SNAP25: variants seen among roughly 807,000 people sequenced by gnomAD.
SNAP25 encodes synaptosome associated protein 25.
A neutral mutation model predicts 28.7 loss-of-function variants in SNAP25; 3 were observed. The observed-to-expected ratio is 0.10, with a 90% CI of 0.05 to 0.27. The LOEUF (loss-of-function observed/expected upper bound fraction) is 0.27, where lower values mean the gene tolerates loss of function less well. Among genes scored for constraint, SNAP25 ranks in the 10% least tolerant of loss-of-function variants. SNAP25 has a pLI of 1.00. For missense variants in SNAP25, 117 were observed against 278.7 expected (o/e 0.42, Z 4.13); for synonymous variants, 61 against 88.1 (o/e 0.69, Z 1.72).
intron 1 of SNAP25, among the ~76,000 whole-genome samples, chr20:10,252,609 G>A (rs1049547882): frequency 1.3e-5 from 2 of 152,120 alleles, no homozygotes; most frequent in Non-Finnish European, 2.9e-5. Flanking sequence ...AAATAAATGT[G>A]TGCATTCGTT....
chr20:10,230,676 C>T (rs931914411), intron 1 of SNAP25, among the ~76,000 whole-genome samples: 24 of 152,144 alleles, frequency 1.6e-4, no homozygotes, highest in African/African-American at 5.8e-4. Context: ...GTTGTTCCTT[C>T]AAACCTTCAC....
chr20:10,232,045 A>C (rs2062837673), intron 1 of SNAP25, among the ~76,000 whole-genome samples: 1 of 152,238 alleles, frequency 6.6e-6, no homozygotes, highest in Non-Finnish European at 1.5e-5. Flanking sequence ...GCAGAGACGT[A>C]GCTGGAATTC....
chr20:10,224,257 C>CTTTTTTTTTTTTTTTTTTTTTT lies in SNAP25; in HGVS notation c.-64+5294_-64+5315dup, dbSNP rs71332917. 1.0e-3 allele frequency among the ~76,000 whole-genome samples: 18 copies of CTTTTTTTTTTTTTTTTTTTTTT among 17,432 alleles called. 6 individuals carry two copies. The highest frequency in any genetic ancestry group is 2.2e-3 in the East Asian group (1 of 456). 11.4% of individuals were successfully genotyped at this position (17,432 alleles called of 152,430 possible). On this transcript the variant is annotated intron_variant, in intron 1 of 7. Coordinates refer to ENST00000254976, the MANE Select transcript of SNAP25 (RefSeq NM_130811.4). ...AATAAGGCATAGAGAATGTACATGT[C>CTTTTTTTTTTTTTTTTTTTTTT]TTTTTTTTTTTTTTTTTTTTTTTTT...
At chr20:10,300,997 A>G (rs1382533233) in intron 7 of SNAP25, among the ~76,000 whole-genome samples, 1 of 152,152 alleles carries the variant, frequency 6.6e-6, no homozygotes, top group African/African-American at 2.4e-5. Flanking sequence ...AAAAAACAGG[A>G]AGTATTCATT....
chr20:10,294,419 A>T (rs965114763), intron 5 of SNAP25, among the ~76,000 whole-genome samples: 1 of 152,232 alleles, frequency 6.6e-6, no homozygotes, highest in African/African-American at 2.4e-5. Context: ...GAATCTAGCT[A>T]ACTGGAAACC....
intron 1 of SNAP25, among the ~76,000 whole-genome samples, chr20:10,244,320 ATAT>A (rs1486803099): frequency 2.0e-5 from 3 of 152,242 alleles, no homozygotes; most frequent in African/African-American, 7.2e-5. Flanking sequence ...AAAGAGAGAC[ATAT>A]TATAAAACTA....
chr20:10,254,845 T>C (rs1347518085), intron 1 of SNAP25, among the ~76,000 whole-genome samples: 2 of 152,222 alleles, frequency 1.3e-5, no homozygotes, highest in Non-Finnish European at 2.9e-5. Flanking sequence ...TCTCGGAGCC[T>C]CATGAACTTC....
intron 1 of SNAP25, among the ~76,000 whole-genome samples, chr20:10,268,250 T>G (rs1015836290): frequency 6.6e-6 from 1 of 152,132 alleles, no homozygotes; most frequent in African/African-American, 2.4e-5. Context: ...TTTGAAGGTG[T>G]ACCTCCACCA....
At chr20:10,268,000 A>C (rs2122948025) in intron 1 of SNAP25, among the ~76,000 whole-genome samples, 1 of 152,324 alleles carries the variant, frequency 6.6e-6, no homozygotes, top group Non-Finnish European at 1.5e-5. Flanking sequence ...CTGTTTCATA[A>C]TCTCAAAGTG....
At chr20:10,233,433 C>G (rs1220852494) in intron 1 of SNAP25, among the ~76,000 whole-genome samples, 2 of 152,172 alleles carry the variant, frequency 1.3e-5, no homozygotes, top group Non-Finnish European at 2.9e-5. Context: ...ATCCTTGTCA[C>G]AAATTTTCTT....
At chr20:10,234,354 G>C (rs1304823739) in intron 1 of SNAP25, among the ~76,000 whole-genome samples, 2 of 152,142 alleles carry the variant, frequency 1.3e-5, no homozygotes, top group African/African-American at 4.8e-5. Context: ...CAGATGTCCA[G>C]TTCCCCAATC....
chr20:10,227,135 TG>T (rs2062747161), intron 1 of SNAP25, among the ~76,000 whole-genome samples: 2 of 152,122 alleles, frequency 1.3e-5, no homozygotes, highest in Non-Finnish European at 2.9e-5. Context: ...AATTATGTAG[TG>T]ATTCTGGATC....
intron 4 of SNAP25, among the ~76,000 whole-genome samples, chr20:10,285,726 TCTC>T (rs1372140884): frequency 2.0e-5 from 3 of 152,046 alleles, no homozygotes; most frequent in East Asian, 3.9e-4. Flanking sequence ...AGAAGGCACT[TCTC>T]CTAAAATTCA....
chr20:10,281,063 G>A (rs537539874), intron 3 of SNAP25, among the ~76,000 whole-genome samples: 1 of 152,214 alleles, frequency 6.6e-6, no homozygotes, highest in East Asian at 1.9e-4. Context: ...GATTGTCTTA[G>A]TTCATCTGGA....
chr20:10,274,445 C>A (rs919233126), intron 1 of SNAP25, among the ~76,000 whole-genome samples: 12 of 151,954 alleles, frequency 7.9e-5, no homozygotes, highest in African/African-American at 2.9e-4. Flanking sequence ...AGATAAATCT[C>A]AAAATAATTA....
At chr20:10,228,438 G>C (rs1194441492) in intron 1 of SNAP25, among the ~76,000 whole-genome samples, 1 of 152,252 alleles carries the variant, frequency 6.6e-6, no homozygotes, top group East Asian at 1.9e-4. Context: ...TACATAGAAC[G>C]TGAGTCAGCC....
At chr20:10,253,347 C>T (rs985384001) in intron 1 of SNAP25, among the ~76,000 whole-genome samples, 3 of 152,184 alleles carry the variant, frequency 2.0e-5, no homozygotes, top group African/African-American at 4.8e-5. Flanking sequence ...TCTCTGTCCA[C>T]GGTATTGTAT....
intron 3 of SNAP25, among the ~76,000 whole-genome samples, chr20:10,282,843 C>T (rs1438229808): frequency 6.6e-6 from 1 of 152,120 alleles, no homozygotes; most frequent in Non-Finnish European, 1.5e-5. Context: ...CAGAAAAGAG[C>T]AAATAAATCA....
chr20:10,284,132 A>G (rs62185259), intron 3 of SNAP25, among the ~76,000 whole-genome samples: 22,585 of 152,030 alleles, frequency 0.15, 1,901 homozygotes, highest in Admixed American at 0.2. Context: ...AATACTGTAG[A>G]CCCTCTCCAT....
Sources: gnomAD v4.1 joint callset for allele counts (sites outside exome capture counted in the v4.1 genomes callset) on GRCh38, gnomAD v4.1.1 for gene constraint, MANE v1.5 for transcripts, NCBI Gene and HGNC (gene_info 2026-07-23, HGNC 2026-07-21) for gene names.